Variants in CMTM4 observed in about 807,000 individuals in gnomAD.
The protein encoded by CMTM4 is CKLF like MARVEL transmembrane domain containing 4, also known as CKLF-like MARVEL transmembrane domain-containing protein 4.
A neutral mutation model predicts 19.0 loss-of-function variants in CMTM4; 8 were observed. The ratio of observed to expected loss-of-function variants is 0.42; its 90% confidence interval spans 0.25 to 0.76. The LOEUF (loss-of-function observed/expected upper bound fraction) is 0.76, where lower values mean the gene tolerates loss of function less well. CMTM4 is among the 30% of genes least tolerant of loss of function. The probability of loss-of-function intolerance (pLI) is 0.27; values close to 1 mark genes in which losing one functional copy is unlikely to be tolerated. For missense variants in CMTM4, 228 were observed against 290.2 expected, an observed-to-expected ratio of 0.79 and a Z score of 1.56; for synonymous variants, 106 against 121.1, an observed-to-expected ratio of 0.88 and a Z score of 0.82.
At chr16:66,671,216 C>T (rs1168332098) in intron 1 of CMTM4, among the ~76,000 whole-genome samples, 5 of 152,110 alleles carry the variant, frequency 3.3e-5, no homozygotes, top group African/African-American at 4.8e-5. Context: ...ACCAGATGTG[C>T]GGCTGGAGAA....
chr16:66,665,895 C>A (rs549466718), intron 1 of CMTM4, among the ~76,000 whole-genome samples: 1 of 151,612 alleles, frequency 6.6e-6, no homozygotes, highest in South Asian at 2.1e-4. Context: ...ATGGCAAAAA[C>A]CCGTCTCTAC....
chr16:66,644,295 T>C (rs1368973620), intron 1 of CMTM4, among the ~76,000 whole-genome samples: 1 of 152,212 alleles, frequency 6.6e-6, no homozygotes, highest in Non-Finnish European at 1.5e-5. Flanking sequence ...GACCGTATAA[T>C]GACATGACGT....
chr16:66,652,383 T>C (rs2016326591), intron 1 of CMTM4, among the ~76,000 whole-genome samples: 1 of 152,210 alleles, frequency 6.6e-6, no homozygotes, highest in African/African-American at 2.4e-5. Context: ...CATTGGGTTG[T>C]TGATGCCCCA....
At chr16:66,671,853 C>CA (rs1468675568) in intron 1 of CMTM4, among the ~76,000 whole-genome samples, 4 of 150,938 alleles carry the variant, frequency 2.7e-5, no homozygotes, top group Middle Eastern at 6.8e-3. Context: ...CCGGTCTCTA[C>CA]AAAAAAATAT....
At chr16:66,684,440 G>C (rs1450866410) in intron 1 of CMTM4, among the ~76,000 whole-genome samples, 2 of 152,030 alleles carry the variant, frequency 1.3e-5, no homozygotes, top group Non-Finnish European at 2.9e-5. Flanking sequence ...GCCTCCCAAA[G>C]TGCTGGGATT....
the CMTM4 span, among the ~76,000 whole-genome samples, chr16:66,602,915 A>G: frequency 7.2e-4 from 110 of 152,360 alleles, no homozygotes; most frequent in African/African-American, 2.5e-3. Context: ...AAGCCACTCC[A>G]CAAGTCAGTC....
chr16:66,633,069 G>A (rs1262023081), intron 2 of CMTM4, among the ~76,000 whole-genome samples: 1 of 134,144 alleles, frequency 7.5e-6, no homozygotes, highest in African/African-American at 3.4e-5. Context: ...TGGGCAACAA[G>A]AGCGAAACTC....
At chr16:66,666,638 A>C (rs962615687) in intron 1 of CMTM4, among the ~76,000 whole-genome samples, 1 of 152,212 alleles carries the variant, frequency 6.6e-6, no homozygotes, top group African/African-American at 2.4e-5. Flanking sequence ...ATGGCAAATA[A>C]GCACAAAATG....
intron 1 of CMTM4, among the ~76,000 whole-genome samples, chr16:66,645,269 A>T (rs1357476505): frequency 1.3e-5 from 2 of 148,906 alleles, no homozygotes; most frequent in Non-Finnish European, 3.0e-5. Context: ...GGGCAACAAG[A>T]GCAAAACTCC....
chr16:66,608,545 C>G, the CMTM4 span: 1 of 1,412,332 alleles, frequency 7.1e-7, no homozygotes, highest in Non-Finnish European at 9.8e-7. This position sits in a 1 kb window ranked among gnomAD's most constrained non-coding sequence, Gnocchi z 5.1. Flanking sequence ...CACTTGGGCC[C>G]TTATCCTTTC....
intron 1 of CMTM4, among the ~76,000 whole-genome samples, chr16:66,661,391 C>T (rs1215442671): frequency 6.6e-6 from 1 of 152,194 alleles, no homozygotes; most frequent in Non-Finnish European, 1.5e-5. Flanking sequence ...TAGCTGACAT[C>T]AGTCACACTG....
chr16:66,608,274 A>C, the CMTM4 span: 1,150 of 1,611,952 alleles, frequency 7.1e-4, 21 homozygotes, highest in Admixed American at 0.017. The surrounding 1 kb of genome is among the most constrained non-coding windows in gnomAD (Gnocchi z 5.1). Flanking sequence ...GAACATGAAA[A>C]GGCTCTGACT....
At chr16:66,664,556 T>C (rs1033579324) in intron 1 of CMTM4, among the ~76,000 whole-genome samples, 6 of 152,120 alleles carry the variant, frequency 3.9e-5, no homozygotes, top group Non-Finnish European at 8.8e-5. Context: ...GTTTCTGTAT[T>C]TCATTCTAAG....
chr16:66,657,231 C>T (rs965179249), intron 1 of CMTM4, among the ~76,000 whole-genome samples: 6 of 151,984 alleles, frequency 3.9e-5, no homozygotes, highest in Admixed American at 3.9e-4. Flanking sequence ...GCTATAGGCA[C>T]CCGCTACCAC....
chr16:66,689,451 G>C (rs2017097152), intron 1 of CMTM4, among the ~76,000 whole-genome samples: 1 of 151,970 alleles, frequency 6.6e-6, no homozygotes, highest in Non-Finnish European at 1.5e-5. Context: ...TCACTCTGTT[G>C]CCCAGGCTGG....
chr16:66,634,440 A>T (rs1006293044), intron 2 of CMTM4, among the ~76,000 whole-genome samples: 2 of 135,504 alleles, frequency 1.5e-5, no homozygotes, highest in Non-Finnish European at 3.0e-5. Context: ...ACTCTGTCTC[A>T]AAAAAACAAA....
At chr16:66,629,606 C>T (rs1052393782) in intron 2 of CMTM4, among the ~76,000 whole-genome samples, 9 of 152,116 alleles carry the variant, frequency 5.9e-5, no homozygotes, top group South Asian at 2.1e-4. Context: ...CAATCATACC[C>T]GAGTTTATGC....
rs920030866 is a variant in CMTM4 at position 66,623,615 on chromosome 16, C to G, written c.364-113G>C. 3 of 639,918 alleles carry G rather than the reference C, an allele frequency of 4.7e-6. No individual in the cohort carries two copies. In the African/African-American group the frequency reaches 5.6e-5, roughly 12 times the overall value. The allele number at this position is 639,918 out of a possible 1,614,324, so 39.6% of individuals were successfully genotyped here. ...ACGATACCCAACCTCCCTGGTGGCT[C>G]CATATTTCAGTCTCAATGTCACAGG... On this transcript the variant is annotated intron_variant, in intron 2 of 3. Coordinates refer to ENST00000394106, the MANE Select transcript of CMTM4 (RefSeq NM_181521.3).
chr16:66,680,570 C>G (rs650349), intron 1 of CMTM4, among the ~76,000 whole-genome samples: 1 of 151,462 alleles, frequency 6.6e-6, no homozygotes, highest in Non-Finnish European at 1.5e-5. Context: ...GTCAGGAGAT[C>G]GAGACCATCA....
Sources: gnomAD v4.1 joint callset for allele counts (sites outside exome capture counted in the v4.1 genomes callset) on GRCh38, gnomAD v4.1.1 for gene constraint, Gnocchi (gnomAD v3.1) non-coding constraint, MANE v1.5 for transcripts, NCBI Gene and HGNC (gene_info 2026-07-23, HGNC 2026-07-21) for gene names.